The following NAALADL2 variants were observed in gnomAD, a reference collection of about 807,000 sequenced individuals.
NAALADL2 encodes the protein inactive N-acetylated-alpha-linked acidic dipeptidase-like protein 2.
NAALADL2 carries 76 observed loss-of-function variants against 87.2 expected under a neutral mutation model. The observed-to-expected ratio is 0.87, with a 90% CI of 0.72 to 1.05. NAALADL2 has a LOEUF of 1.05. Among genes scored for constraint, NAALADL2 ranks in the 50% least tolerant of loss-of-function variants. NAALADL2 has a pLI of 0.00. For synonymous variants in NAALADL2, 354 were observed against 331.0 expected, an observed-to-expected ratio of 1.07 and a Z score of -0.75; for missense variants, 1,089 against 945.8, an observed-to-expected ratio of 1.15 and a Z score of -1.99.
chr3:175,477,641 TCTATCTG>T (rs1179048182), intron 9 of NAALADL2, among the ~76,000 whole-genome samples: 4 of 152,152 alleles, frequency 2.6e-5, no homozygotes, highest in Non-Finnish European at 5.9e-5. Context: ...ACCAAAGACT[TCTATCTG>T]CTACTGGATT....
At chr3:174,822,169 C>CACAA (rs1721497520) in intron 3 of NAALADL2, among the ~76,000 whole-genome samples, 1 of 151,762 alleles carries the variant, frequency 6.6e-6, no homozygotes, top group Admixed American at 6.6e-5. Flanking sequence ...AACACACACA[C>CACAA]AGGGCGGAGG....
intron 2 of NAALADL2, among the ~76,000 whole-genome samples, chr3:174,655,874 A>G (rs1724866060): frequency 6.6e-6 from 1 of 152,194 alleles, no homozygotes; most frequent in Non-Finnish European, 1.5e-5. Flanking sequence ...AAATCAGAAC[A>G]TTGCCTATTA....
chr3:174,914,385 T>TA lies in NAALADL2; in HGVS notation c.43+54940dup, dbSNP rs536827137. Among the ~76,000 whole-genome samples, 454 of 152,242 alleles carry TA rather than the reference T, an allele frequency of 3.0e-3. 3 individuals are homozygous for TA. The highest frequency in any genetic ancestry group is 0.01 in the African/African-American group (423 of 41,556). ...GCCTGGCTTTATATTTTATTGCAAC[T>TA]AAAAATCACATTAGATAATGAATAT... is the stretch of plus-strand genomic sequence containing the variant. On this transcript the variant is annotated intron_variant, in intron 1 of 13. Coordinates refer to ENST00000454872, the MANE Select transcript of NAALADL2 (RefSeq NM_207015.3).
intron 1 of NAALADL2, among the ~76,000 whole-genome samples, chr3:174,452,589 G>A (rs1035898495): frequency 1.3e-5 from 2 of 151,950 alleles, no homozygotes; most frequent in East Asian, 1.9e-4. Flanking sequence ...TCCTAATTTC[G>A]AGGAGCCAGA....
At chr3:175,562,608 G>A (rs1325796944) in intron 9 of NAALADL2, among the ~76,000 whole-genome samples, 1 of 151,388 alleles carries the variant, frequency 6.6e-6, no homozygotes, top group Non-Finnish European at 1.5e-5. Context: ...ATCAATTTCT[G>A]TAATTATGTA....
At chr3:174,920,269 T>A (rs1276098568) in intron 1 of NAALADL2, among the ~76,000 whole-genome samples, 1 of 152,240 alleles carries the variant, frequency 6.6e-6, no homozygotes, top group Non-Finnish European at 1.5e-5. Context: ...AGATGTCATC[T>A]TCTTCCAACA....
In NAALADL2 at chr3:175,667,246, AAAGAAAGAAAGAAAGAAAGGAAGG is replaced by A. The variant is rs1181265005; in HGVS notation, c.1896+39864_1896+39887del. Among the ~76,000 whole-genome samples, 652 of 142,152 alleles carry A rather than the reference AAAGAAAGAAAGAAAGAAAGGAAGG, an allele frequency of 4.6e-3. 14 individuals are homozygous for A. Among genetic ancestry groups the A allele is most frequent in the African/African-American group, 0.018 (632 of 35,710 alleles). The allele number at this position is 142,152 out of a possible 152,430, so 93.3% of individuals were successfully genotyped here. A position where few individuals can be genotyped will look rare whatever the true frequency, so the allele number is the denominator to read the frequency against. On this transcript the variant is annotated intron_variant, in intron 11 of 13. Coordinates refer to ENST00000454872, the MANE Select transcript of NAALADL2 (RefSeq NM_207015.3). ...AAGAAAGAAAGAAAGAAAGAAAAAG[AAAGAAAGAAAGAAAGAAAGGAAGG>A]AAGGGATGGGGATCTGAAGGGGTTA...
intron 1 of NAALADL2, among the ~76,000 whole-genome samples, chr3:175,071,830 A>T (rs1478987375): frequency 6.6e-6 from 1 of 152,054 alleles, no homozygotes; most frequent in East Asian, 1.9e-4. Context: ...ATGAAAAGAG[A>T]TGAAATAACT....
intron 9 of NAALADL2, among the ~76,000 whole-genome samples, chr3:175,540,757 G>C (rs1036713923): frequency 6.6e-6 from 1 of 152,024 alleles, no homozygotes; most frequent in Non-Finnish European, 1.5e-5. Context: ...GAAGCATCCA[G>C]GTTTCTGGAC....
At chr3:175,632,686 A>G (rs1434680380) in intron 11 of NAALADL2, among the ~76,000 whole-genome samples, 2 of 152,062 alleles carry the variant, frequency 1.3e-5, no homozygotes, top group Non-Finnish European at 2.9e-5. Flanking sequence ...TTTCATAATT[A>G]TTAATTCAAT....
At chr3:175,224,983 A>G (rs535566164) in intron 2 of NAALADL2, among the ~76,000 whole-genome samples, 2 of 152,162 alleles carry the variant, frequency 1.3e-5, no homozygotes, top group South Asian at 2.1e-4. Flanking sequence ...TGACATGTCA[A>G]GACAAGTTGA....
chr3:174,837,250 A>G (rs1460663397), intron 3 of NAALADL2, among the ~76,000 whole-genome samples: 1 of 152,244 alleles, frequency 6.6e-6, no homozygotes, highest in Non-Finnish European at 1.5e-5. Flanking sequence ...CATTAGCAAG[A>G]TTAACCAAGA....
intron 5 of NAALADL2, among the ~76,000 whole-genome samples, chr3:175,357,055 C>T (rs1373953831): frequency 1.3e-5 from 2 of 152,094 alleles, no homozygotes. Context: ...TTTATCTTAA[C>T]TCTCAGTGAG....
intron 1 of NAALADL2, among the ~76,000 whole-genome samples, chr3:174,978,042 G>T (rs1469082013): frequency 1.3e-5 from 2 of 152,168 alleles, no homozygotes; most frequent in African/African-American, 4.8e-5. Context: ...TGCTTTCTGT[G>T]CACCTCACAA....
intron 10 of NAALADL2, among the ~76,000 whole-genome samples, chr3:175,626,593 A>G (rs1727009711): frequency 6.6e-6 from 1 of 151,840 alleles, no homozygotes; most frequent in Non-Finnish European, 1.5e-5. Flanking sequence ...TCTAAGGCAT[A>G]ATTTTCACCG....
Position 174,702,555 on chromosome 3 carries a change from T to A in NAALADL2, c.-114-35086T>A, listed in dbSNP as rs1292539247. Among the ~76,000 whole-genome samples, 7 of 152,308 alleles carry A rather than the reference T, an allele frequency of 4.6e-5. No homozygotes were observed. The South Asian group carries it at 1.0e-3, about 23-fold the overall frequency. On this transcript the variant is annotated intron_variant, in intron 2 of 3. Coordinates refer to the NAALADL2 transcript ENST00000434257. Reference sequence around the variant, plus strand: ...GAAATATGTCATAAGGCAATTTTGTTATTATGCGAACATCATAGAGTGTAC... The same window carrying A: ...GAAATATGTCATAAGGCAATTTTGTAATTATGCGAACATCATAGAGTGTAC...
intron 1 of NAALADL2, among the ~76,000 whole-genome samples, chr3:175,057,882 C>G (rs778900961): frequency 6.6e-6 from 1 of 152,130 alleles, no homozygotes; most frequent in Admixed American, 6.6e-5. Context: ...ATCCTCTAAC[C>G]CCTAGGCCAT....
At chr3:175,525,337 T>C (rs991054702) in intron 9 of NAALADL2, among the ~76,000 whole-genome samples, 2 of 152,158 alleles carry the variant, frequency 1.3e-5, no homozygotes, top group Non-Finnish European at 2.9e-5. Context: ...CGAAGTATTT[T>C]ATTATTTTAT....
chr3:174,463,471 A>G (rs1716331475), intron 1 of NAALADL2, among the ~76,000 whole-genome samples: 1 of 152,218 alleles, frequency 6.6e-6, no homozygotes, highest in Admixed American at 6.5e-5. Flanking sequence ...TTTGTTTAAG[A>G]AATAGCTATC....
Sources: gnomAD v4.1 joint callset for allele counts (sites outside exome capture counted in the v4.1 genomes callset) on GRCh38, gnomAD v4.1.1 for gene constraint, MANE v1.5 for transcripts, NCBI Gene and HGNC (gene_info 2026-07-23, HGNC 2026-07-21) for gene names.